The following TIMP2 variants were observed in gnomAD, a reference collection of about 807,000 sequenced individuals.
TIMP2 encodes the protein metalloproteinase inhibitor 2.
In TIMP2, 5 loss-of-function variants were observed where a neutral mutation model predicts 24.3. The observed-to-expected ratio is 0.21, with a 90% CI of 0.11 to 0.43. The LOEUF (loss-of-function observed/expected upper bound fraction) is 0.43, where lower values mean the gene tolerates loss of function less well. Ranked by LOEUF, TIMP2 falls within the 20% of genes least tolerant of loss-of-function variation. The pLI, the probability that TIMP2 is intolerant of heterozygous loss-of-function variation, is 1.00. For missense variants in TIMP2, 221 were observed against 297.5 expected (o/e 0.74, Z 1.89); for synonymous variants, 130 against 123.2 (o/e 1.06, Z -0.37).
chr17:78,857,451 T>G, intron 4 of TIMP2, 71 bp downstream of exon 4: 1 of 1,601,970 alleles, frequency 6.2e-7, no homozygotes, highest in Non-Finnish European at 8.5e-7. Flanking sequence ...AAGCCAGGGA[T>G]CAAAATCCCT....
At chr17:78,885,997 T>A (rs1281180935) in intron 1 of TIMP2, among the ~76,000 whole-genome samples, 4 of 152,158 alleles carry the variant, frequency 2.6e-5, no homozygotes, top group Admixed American at 2.6e-4. Context: ...TCCGTAAGAA[T>A]CACTGGAGGG....
intron 1 of TIMP2, among the ~76,000 whole-genome samples, chr17:78,921,316 G>A (rs1165113719): frequency 5.3e-5 from 8 of 152,210 alleles, no homozygotes; most frequent in South Asian, 2.1e-4. Flanking sequence ...GGAGCTCCTC[G>A]GGGGATTTGC....
At chr17:78,916,809 T>G (rs2070262558) in intron 1 of TIMP2, among the ~76,000 whole-genome samples, 1 of 152,204 alleles carries the variant, frequency 6.6e-6, no homozygotes. Flanking sequence ...TACTTTGTTC[T>G]AATGACTCTG....
At chr17:78,859,314 T>C (rs993292159) in intron 3 of TIMP2, among the ~76,000 whole-genome samples, 1 of 152,156 alleles carries the variant, frequency 6.6e-6, no homozygotes, top group Admixed American at 6.6e-5. Flanking sequence ...AACAAAGCAG[T>C]GTGTTCCAGT....
intron 2 of TIMP2, 27 bp downstream of exon 2, chr17:78,873,792 G>T: frequency 6.3e-7 from 1 of 1,594,062 alleles, no homozygotes; most frequent in Non-Finnish European, 8.6e-7. Context: ...CCACAGTGCA[G>T]CCCGGGATGC....
intron 1 of TIMP2, among the ~76,000 whole-genome samples, chr17:78,883,197 G>C (rs538703337): frequency 6.6e-6 from 1 of 152,240 alleles, no homozygotes; most frequent in South Asian, 2.1e-4. Context: ...GACCTCAGCA[G>C]AGGGGGCACC....
chr17:78,921,064 C>T (rs890170071), intron 1 of TIMP2, among the ~76,000 whole-genome samples: 5 of 152,202 alleles, frequency 3.3e-5, no homozygotes, highest in East Asian at 1.9e-4. Flanking sequence ...GCCACGCCGC[C>T]CCCTCGCATG....
chr17:78,869,993 A>G (rs201564224), intron 3 of TIMP2, among the ~76,000 whole-genome samples: 1 of 152,232 alleles, frequency 6.6e-6, no homozygotes, highest in African/African-American at 2.4e-5. Context: ...AGGTGGGCCA[A>G]GGCTGAGGAA....
At chr17:78,879,462 C>T (rs919212176) in intron 1 of TIMP2, among the ~76,000 whole-genome samples, 2 of 152,170 alleles carry the variant, frequency 1.3e-5, no homozygotes, top group South Asian at 2.1e-4. Context: ...GGCACAGACA[C>T]GTTTACTGAA....
chr17:78,925,063 C>G lies in TIMP2; in HGVS notation c.26G>C (p.Arg9Pro), dbSNP rs957117975. The G allele has an allele frequency of 9.0e-7, 1 of 1,111,004 alleles. No individual in the cohort carries two copies. The highest frequency in any genetic ancestry group is 1.1e-6 in the Non-Finnish European group (1 of 913,064). The allele number at this position is 1,111,004 out of a possible 1,614,324, so 68.8% of individuals were successfully genotyped here. A position where few individuals can be genotyped will look rare whatever the true frequency, so the allele number is the denominator to read the frequency against. MGAAARTL[R>P]LALGLLLLAT... ...CAGCAGCAGGAGGCCGAGCGCCAGC[C>G]GCAGGGTGCGGGCCGCGGCGCCCAT... Residue 9 changes from arginine to proline, a missense_variant, in exon 1 of 5, where the codon CGG (arginine) becomes CCG (proline). Transcript: ENST00000262768.
intron 3 of TIMP2, among the ~76,000 whole-genome samples, chr17:78,868,385 G>C (rs1258666759): frequency 2.0e-5 from 3 of 151,972 alleles, no homozygotes; most frequent in Non-Finnish European, 4.4e-5. Context: ...TGAGTAGCTG[G>C]GACTACAGGC....
chr17:78,906,324 T>G (rs1042275323), intron 1 of TIMP2, among the ~76,000 whole-genome samples: 14 of 152,058 alleles, frequency 9.2e-5, no homozygotes, highest in African/African-American at 3.4e-4. Context: ...GCTAAGATCA[T>G]GCCACTGCAC....
intron 3 of TIMP2, 63 bp downstream of exon 3, chr17:78,870,835 C>A: frequency 6.9e-7 from 1 of 1,445,096 alleles, no homozygotes; most frequent in Non-Finnish European, 9.6e-7. Context: ...GAGCCCTGGA[C>A]CGCGTCTAGG....
intron 1 of TIMP2, among the ~76,000 whole-genome samples, chr17:78,884,444 G>A (rs2069807771): frequency 6.6e-6 from 1 of 152,180 alleles, no homozygotes; most frequent in Admixed American, 6.5e-5. Flanking sequence ...TGTGGGCTGA[G>A]CCTGACTTGC....
rs1305198497 is a variant in TIMP2 at position 78,854,945 on chromosome 17, G to T, written c.*722C>A. 1 of 122,868 alleles carries T rather than the reference G, an allele frequency of 8.1e-6. No homozygotes were observed. Among genetic ancestry groups the T allele is most frequent in the South Asian group, 3.3e-4 (1 of 3,064 alleles). The allele number at this position is 122,868 out of a possible 1,614,324, so 7.6% of individuals were successfully genotyped here. ...GCGGGGGGGGGGGGGTGGGGGGGTGGGTGCAGACCAAAAAGACTCAGCTGA... is the reference window on the plus strand; with the variant it reads ...GCGGGGGGGGGGGGGTGGGGGGGTGTGTGCAGACCAAAAAGACTCAGCTGA... On this transcript the variant is annotated 3_prime_UTR_variant, in exon 5 of 5. Transcript: ENST00000262768.
intron 1 of TIMP2, among the ~76,000 whole-genome samples, chr17:78,902,434 T>A (rs1037602990): frequency 6.6e-6 from 1 of 152,194 alleles, no homozygotes; most frequent in Non-Finnish European, 1.5e-5. Flanking sequence ...CTGGCTGTGT[T>A]AGCATCACCT....
At position 78,859,168 on chromosome 17, in the gene TIMP2, C is replaced by T. The variant is rs370414485; in HGVS notation, c.341-1522G>A. 7.9e-5 allele frequency among the ~76,000 whole-genome samples: 12 copies of T among 152,292 alleles called. 4 individuals carry two copies. Among genetic ancestry groups the T allele is most frequent in the Admixed American group, 6.5e-5 (1 of 15,294 alleles). ...GGAATTTTTGAAAATTAGGAATCTG[C>T]TCTGAATTCCCTTCATCAGGCATGA... On this transcript the variant is annotated intron_variant, in intron 3 of 4. Transcript: ENST00000262768.
intron 1 of TIMP2, among the ~76,000 whole-genome samples, chr17:78,883,682 G>A (rs559124976): frequency 9.2e-5 from 14 of 152,258 alleles, no homozygotes; most frequent in East Asian, 7.7e-4. Flanking sequence ...CTGGGTGCCC[G>A]TCTCCATGGA....
rs375529036 is a variant in TIMP2, at chr17:78,886,467, A to G, written c.131-12548T>C. On this transcript the variant is annotated intron_variant, in intron 1 of 4. Coordinates refer to ENST00000262768, the MANE Select transcript of TIMP2 (RefSeq NM_003255.5). ...CCCTCTCAGACAGAGGTGATGCTACACTGACAGGCGGCTACGCTCCAGGTC... is the reference window on the plus strand; with the variant it reads ...CCCTCTCAGACAGAGGTGATGCTACGCTGACAGGCGGCTACGCTCCAGGTC... Among the ~76,000 whole-genome samples the G allele has an allele frequency of 4.6e-5, 7 of 152,258 alleles. No individual in the cohort carries two copies. The East Asian group carries it at 1.4e-3, about 29-fold the overall frequency.
Sources: allele counts gnomAD v4.1 joint callset (sites outside exome capture counted in the v4.1 genomes callset), GRCh38; gene constraint gnomAD v4.1.1; transcripts MANE v1.5; gene names NCBI Gene and HGNC (gene_info 2026-07-23, HGNC 2026-07-21).